KCNJ15: variants seen among roughly 807,000 people sequenced by gnomAD.
KCNJ15 encodes the protein potassium inwardly rectifying channel subfamily J member 15.
Under a neutral mutation model 23.0 loss-of-function variants are expected in KCNJ15, and 14 were observed. The ratio of observed to expected loss-of-function variants is 0.61; its 90% CI spans 0.40 to 0.95. The LOEUF is 0.95. Ranked by LOEUF, KCNJ15 falls within the 40% of genes least tolerant of loss-of-function variation. KCNJ15 has a pLI of 0.00. For synonymous variants in KCNJ15, 185 were observed against 183.2 expected (o/e 1.01, Z -0.08); for missense variants, 388 against 461.8 (o/e 0.84, Z 1.46).
In KCNJ15 at chr21:38,299,797, A is replaced by T. The variant is rs766614253; in HGVS notation, c.536A>T (p.Lys179Met). ...CCCAAAAAGCGGGCTGAGACCATCA[A>T]GTTCAGCCACTGTGCAGTCATCACC... is the stretch of plus-strand genomic sequence containing the variant. ...ARPKKRAETIKFSHCAVITKQ... is the reference protein window; with the variant it reads ...ARPKKRAETIMFSHCAVITKQ... The change falls in exon 3 of 3, where the codon AAG (lysine) becomes ATG (methionine). Residue 179 changes from lysine to methionine, a missense_variant. Coordinates refer to ENST00000398938, the MANE Select transcript of KCNJ15 (RefSeq NM_170736.3). The surrounding 1 kb of genome is among the most constrained non-coding windows in gnomAD (Gnocchi z 4.5). The T allele has an allele frequency of 1.2e-6, 2 of 1,614,094 alleles. No individual in the cohort carries two copies. The highest frequency in any genetic ancestry group is 1.7e-6 in the Non-Finnish European group (2 of 1,180,002).
chr21:38,267,944 G>A (rs1981634010), intron 1 of KCNJ15, among the ~76,000 whole-genome samples: 1 of 152,100 alleles, frequency 6.6e-6, no homozygotes, highest in Non-Finnish European at 1.5e-5. Context: ...ATCTGTTCTT[G>A]TAGTCACATA....
chr21:38,255,712 G>A (rs1980161074), upstream of KCNJ15, among the ~76,000 whole-genome samples: 1 of 152,196 alleles, frequency 6.6e-6, no homozygotes, highest in Admixed American at 6.5e-5. Context: ...CCTAAAGACA[G>A]AATGACACCC....
At chr21:38,237,512 C>T (rs1978691186) in intron 1 of KCNJ15, 1 of 152,240 alleles carries the variant, frequency 6.6e-6, no homozygotes. Context: ...GTCTCAATAC[C>T]CTTCTCCTGG....
chr21:38,275,936 C>T (rs780454269), intron 1 of KCNJ15, among the ~76,000 whole-genome samples: 2 of 152,114 alleles, frequency 1.3e-5, no homozygotes, highest in Admixed American at 6.5e-5. Flanking sequence ...ATCCTTAATA[C>T]CTTTTAATAT....
At chr21:38,273,074 A>C (rs1982270736) in intron 1 of KCNJ15, among the ~76,000 whole-genome samples, 1 of 152,220 alleles carries the variant, frequency 6.6e-6, no homozygotes, top group African/African-American at 2.4e-5. Flanking sequence ...AAAGACTTTG[A>C]TTTCAGTGAC....
At position 38,272,974 on chromosome 21, in the gene KCNJ15, A is replaced by G. The variant is rs1233663932; in HGVS notation, c.-117+15789A>G. ...GACTGCTTTCAATAGTAATGCACCA[A>G]ACATGCTTTTGAAAATAGCAATAAA... On this transcript the variant is annotated intron_variant, in intron 1 of 2. Coordinates refer to ENST00000398938, the MANE Select transcript of KCNJ15 (RefSeq NM_170736.3). 2.6e-5 allele frequency among the ~76,000 whole-genome samples: 4 copies of G among 152,180 alleles called. 1 individual carries two copies. The highest frequency in any genetic ancestry group is 5.9e-5 in the Non-Finnish European group (4 of 68,028).
chr21:38,236,490 G>A (rs569110384), intron 1 of KCNJ15, among the ~76,000 whole-genome samples: 12 of 152,232 alleles, frequency 7.9e-5, no homozygotes, highest in African/African-American at 2.9e-4. Flanking sequence ...CCATAAACAT[G>A]CCGTTTCTTC....
upstream of KCNJ15, among the ~76,000 whole-genome samples, chr21:38,255,447 G>C (rs1299170413): frequency 6.6e-6 from 1 of 152,194 alleles, no homozygotes; most frequent in African/African-American, 2.4e-5. Context: ...CCAGCTCTAA[G>C]AAGTCCAAAT....
chr21:38,247,725 A>C (rs1320249743), intron 1 of KCNJ15, among the ~76,000 whole-genome samples: 1 of 152,234 alleles, frequency 6.6e-6, no homozygotes, highest in African/African-American at 2.4e-5. Context: ...CCTTATGATG[A>C]AAGATTGGCA....
chr21:38,280,596 T>C (rs2123677248), intron 1 of KCNJ15, among the ~76,000 whole-genome samples: 1 of 152,288 alleles, frequency 6.6e-6, no homozygotes, highest in African/African-American at 2.4e-5. Flanking sequence ...GGTCAAAATC[T>C]TGGTTTCCAG....
chr21:38,299,930 G>A lies in KCNJ15; in HGVS notation c.669G>A (p.Lys223=), dbSNP rs1432845505. 1 of 1,614,074 alleles carries A rather than the reference G, an allele frequency of 6.2e-7. No individual in the cohort carries two copies. The highest frequency in any genetic ancestry group is 8.5e-7 in the Non-Finnish European group (1 of 1,180,032). Residue 223 remains lysine (K), a synonymous_variant, in exon 3 of 3, where the codon AAG becomes AAA. Transcript: ENST00000398938. The surrounding 1 kb of genome is among the most constrained non-coding windows in gnomAD (Gnocchi z 4.5). The stretch of plus-strand genomic sequence containing the variant: ...AGCTCCTGCAGACCCACGTCACCAA[G>A]GAGGGGGAGCGGATTCTCCTCAACC... The part of the protein sequence containing the change: ...SGKLLQTHVT[K]EGERILLNQA...
chr21:38,252,054 AG>A (rs1310615583), upstream of KCNJ15, among the ~76,000 whole-genome samples: 1 of 152,202 alleles, frequency 6.6e-6, no homozygotes, highest in African/African-American at 2.4e-5. Flanking sequence ...GGAAAGCTAA[AG>A]GACAAGGGGA....
At chr21:38,293,207 G>C (rs1162539976) in intron 1 of KCNJ15, among the ~76,000 whole-genome samples, 6 of 152,056 alleles carry the variant, frequency 3.9e-5, no homozygotes, top group Admixed American at 3.9e-4. Context: ...TTATGGCTCA[G>C]TTCCAAGTTT....
In KCNJ15 at chr21:38,251,003, A is replaced by G. The variant is rs535365301; in HGVS notation, c.-398-6043A>G. Among the ~76,000 whole-genome samples, 27 of 152,286 alleles carry G rather than the reference A, an allele frequency of 1.8e-4. 1 individual carries two copies. Among genetic ancestry groups the G allele is most frequent in the Admixed American group, 1.4e-3 (22 of 15,294 alleles). ...CAGTCTGGCCTAGGAGCCTCCCTGT[A>G]CAGTTGATTCAGAGTTAAACCACAA... On this transcript the variant is annotated intron_variant, in intron 1 of 4. Coordinates refer to the KCNJ15 transcript ENST00000547341.
intron 1 of KCNJ15, among the ~76,000 whole-genome samples, chr21:38,284,000 T>A (rs1983624078): frequency 6.6e-6 from 1 of 152,176 alleles, no homozygotes; most frequent in Non-Finnish European, 1.5e-5. Context: ...GCTCCTGCAC[T>A]TTCATGGCTC....
Position 38,300,338 on chromosome 21 carries a change from T to C in KCNJ15, c.1077T>C (p.Asp359=). ...QQLEEKYRQE[D]QRERELRTLL... Reference sequence around the variant, plus strand: ...TCGAGGAGAAGTACAGGCAGGAGGATCAGAGGGAAAGAGAACTGAGGACAC... The same window carrying C: ...TCGAGGAGAAGTACAGGCAGGAGGACCAGAGGGAAAGAGAACTGAGGACAC... The change falls in exon 3 of 3, where the codon GAT becomes GAC. Residue 359 remains aspartate, a synonymous_variant. Transcript: ENST00000398938. 4 of 1,614,032 alleles carry C rather than the reference T, an allele frequency of 2.5e-6. No individual in the cohort carries two copies. The highest frequency in any genetic ancestry group is 3.4e-6 in the Non-Finnish European group (4 of 1,179,974).
At chr21:38,274,092 C>G (rs1982388355) in intron 1 of KCNJ15, among the ~76,000 whole-genome samples, 1 of 152,198 alleles carries the variant, frequency 6.6e-6, no homozygotes, top group Non-Finnish European at 1.5e-5. Flanking sequence ...TGAGGCTTTG[C>G]CAATCCCAAC....
chr21:38,273,860 A>G (rs538750448), intron 1 of KCNJ15, among the ~76,000 whole-genome samples: 1 of 152,354 alleles, frequency 6.6e-6, no homozygotes, highest in East Asian at 1.9e-4. Context: ...CTCATTTTAC[A>G]GATGAGGAAA....
At chr21:38,247,170 A>C (rs1979458862) in intron 1 of KCNJ15, among the ~76,000 whole-genome samples, 1 of 150,994 alleles carries the variant, frequency 6.6e-6, no homozygotes, top group Non-Finnish European at 1.5e-5. Context: ...GTATAGGTAT[A>C]TGGATGGATG....
Sources: gnomAD v4.1 joint callset for allele counts (sites outside exome capture counted in the v4.1 genomes callset) on GRCh38, gnomAD v4.1.1 for gene constraint, Gnocchi (gnomAD v3.1) non-coding constraint, MANE v1.5 for transcripts, NCBI Gene and HGNC (gene_info 2026-07-23, HGNC 2026-07-21) for gene names.